The following LRRC4C variants were observed in gnomAD, a reference collection of about 807,000 sequenced individuals.
LRRC4C encodes leucine-rich repeat-containing protein 4C.
A neutral mutation model predicts 33.6 loss-of-function variants in LRRC4C; 5 were observed. That is an observed-to-expected ratio of 0.15 (90% CI 0.08 to 0.31). The LOEUF is 0.31. Among genes scored for constraint, LRRC4C ranks in the 10% least tolerant of loss-of-function variants. The probability of loss-of-function intolerance (pLI) is 1.00; values close to 1 mark genes in which losing one functional copy is unlikely to be tolerated. For missense variants in LRRC4C, 560 were observed against 796.7 expected, an observed-to-expected ratio of 0.70 and a Z score of 3.58; for synonymous variants, 329 against 302.0, an observed-to-expected ratio of 1.09 and a Z score of -0.93.
chr11:40,393,274 G>A (rs1949407596), intron 3 of LRRC4C, among the ~76,000 whole-genome samples: 1 of 152,036 alleles, frequency 6.6e-6, no homozygotes, highest in Admixed American at 6.6e-5. Flanking sequence ...CTACGTACAT[G>A]CTTGTCTTGA....
chr11:41,420,754 T>A (rs1399531680), intron 1 of LRRC4C, among the ~76,000 whole-genome samples: 3 of 151,980 alleles, frequency 2.0e-5, no homozygotes, highest in Admixed American at 6.6e-5. Flanking sequence ...TTTCCCAGAT[T>A]AAGAGATTCT....
intron 5 of LRRC4C, among the ~76,000 whole-genome samples, chr11:40,206,664 C>T (rs1863179488): frequency 6.6e-6 from 1 of 152,056 alleles, no homozygotes; most frequent in African/African-American, 2.4e-5. Context: ...GACCTAGAGT[C>T]CCAGAGTCCA....
chr11:41,125,378 A>G (rs897701383), intron 1 of LRRC4C, among the ~76,000 whole-genome samples: 1 of 152,236 alleles, frequency 6.6e-6, no homozygotes, highest in Non-Finnish European at 1.5e-5. Flanking sequence ...TAAACTCATT[A>G]GTAATGAGAT....
intron 2 of LRRC4C, among the ~76,000 whole-genome samples, chr11:40,823,673 C>T (rs965969793): frequency 7.3e-5 from 11 of 151,678 alleles, no homozygotes; most frequent in South Asian, 2.1e-4. Flanking sequence ...CTAACAAAAA[C>T]GATAGATAAT....
intron 5 of LRRC4C, among the ~76,000 whole-genome samples, chr11:40,159,719 C>T (rs1214473678): frequency 2.0e-5 from 3 of 152,134 alleles, no homozygotes; most frequent in Non-Finnish European, 4.4e-5. Flanking sequence ...TCTTTCTTCA[C>T]AAATTTCCCT....
At chr11:40,927,648 CTATAGTTGGTTGATTTTCCTAACATGT>C (rs1379814038) in intron 2 of LRRC4C, among the ~76,000 whole-genome samples, 1 of 152,104 alleles carries the variant, frequency 6.6e-6, no homozygotes, top group Non-Finnish European at 1.5e-5. Flanking sequence ...TGGAGTTACT[CTATAGTTGGTTGATTTTCCTAACATGT>C]TATTAAAGCC....
intron 5 of LRRC4C, among the ~76,000 whole-genome samples, chr11:40,234,546 A>T (rs982371921): frequency 6.6e-6 from 1 of 152,170 alleles, no homozygotes; most frequent in African/African-American, 2.4e-5. Flanking sequence ...AGGTAAGAAG[A>T]TCACTGGAGC....
chr11:40,505,384 C>G (rs1039267567), intron 3 of LRRC4C, among the ~76,000 whole-genome samples: 11 of 152,130 alleles, frequency 7.2e-5, no homozygotes, highest in Non-Finnish European at 1.2e-4. Flanking sequence ...TCTGGTCAAA[C>G]AACAATAGAT....
intron 2 of LRRC4C, among the ~76,000 whole-genome samples, chr11:40,688,537 C>T (rs1248698538): frequency 6.6e-6 from 1 of 152,040 alleles, no homozygotes; most frequent in East Asian, 1.9e-4. Context: ...CACTAGGAGT[C>T]CACAGTGCAG....
At chr11:40,276,173 G>C (rs544759889) in intron 4 of LRRC4C, among the ~76,000 whole-genome samples, 1 of 152,066 alleles carries the variant, frequency 6.6e-6, no homozygotes, top group African/African-American at 2.4e-5. Flanking sequence ...GATAAATAAC[G>C]TGATAAAGAT....
intron 3 of LRRC4C, among the ~76,000 whole-genome samples, chr11:40,622,364 A>AG (rs56948633): frequency 0.45 from 68,561 of 151,526 alleles, 16,674 homozygotes; most frequent in Middle Eastern, 0.59. Context: ...TTTTATACCA[A>AG]GGATTCTACA....
chr11:40,719,847 C>G (rs751063000), intron 2 of LRRC4C, among the ~76,000 whole-genome samples: 2 of 152,068 alleles, frequency 1.3e-5, no homozygotes, highest in African/African-American at 4.8e-5. Flanking sequence ...TGAAGAAAAT[C>G]GGATTCAAAG....
chr11:40,288,606 G>C (rs955736457), intron 4 of LRRC4C, among the ~76,000 whole-genome samples: 4 of 152,194 alleles, frequency 2.6e-5, no homozygotes, highest in African/African-American at 7.2e-5. Flanking sequence ...GCCTGCCTCA[G>C]AAAACCACTG....
At chr11:40,595,756 A>C (rs1959227351) in intron 3 of LRRC4C, among the ~76,000 whole-genome samples, 1 of 152,140 alleles carries the variant, frequency 6.6e-6, no homozygotes. Context: ...GCAGGCAGAA[A>C]TAGCCTGTGT....
At chr11:41,309,922 G>A (rs1478165851) in intron 1 of LRRC4C, among the ~76,000 whole-genome samples, 2 of 152,176 alleles carry the variant, frequency 1.3e-5, no homozygotes, top group Non-Finnish European at 1.5e-5. Context: ...TGTAACCTTT[G>A]TGCTATCTCA....
At chr11:41,035,644 C>T (rs1857020860) in intron 1 of LRRC4C, among the ~76,000 whole-genome samples, 1 of 152,074 alleles carries the variant, frequency 6.6e-6, no homozygotes, top group African/African-American at 2.4e-5. Flanking sequence ...TAGACACTCA[C>T]ACACATATAT....
intron 3 of LRRC4C, among the ~76,000 whole-genome samples, chr11:40,628,195 C>T (rs1020517603): frequency 2.0e-5 from 3 of 152,066 alleles, no homozygotes; most frequent in Non-Finnish European, 2.9e-5. Flanking sequence ...CCTAATTCAT[C>T]GGCCGGGCGC....
chr11:41,112,912 G>A (rs118075446), intron 1 of LRRC4C, among the ~76,000 whole-genome samples: 4,656 of 152,116 alleles, frequency 0.031, 128 homozygotes, highest in Admixed American at 0.074. Context: ...GTGTGTGCAC[G>A]TGTACATTTA....
chr11:41,375,916 T>A (rs1223766684), intron 1 of LRRC4C, among the ~76,000 whole-genome samples: 1 of 151,968 alleles, frequency 6.6e-6, no homozygotes, highest in Non-Finnish European at 1.5e-5. Context: ...AGTATGGCGT[T>A]CACACTAACT....
Sources: gnomAD v4.1 joint callset for allele counts (sites outside exome capture counted in the v4.1 genomes callset) on GRCh38, gnomAD v4.1.1 for gene constraint, MANE v1.5 for transcripts, NCBI Gene and HGNC (gene_info 2026-07-23, HGNC 2026-07-21) for gene names.